Variants in FAT3 observed in about 807,000 individuals in gnomAD.
FAT3 encodes protocadherin Fat 3.
FAT3 carries 95 observed loss-of-function variants against 310.2 expected under a neutral mutation model. The ratio of observed to expected loss-of-function variants is 0.31; its 90% CI spans 0.26 to 0.36. FAT3 has a LOEUF of 0.36. FAT3 is among the 10% of genes least tolerant of loss of function. The pLI, the probability that FAT3 is intolerant of heterozygous loss-of-function variation, is 1.00. For missense variants in FAT3, 5,408 were observed against 5,715.6 expected, an observed-to-expected ratio of 0.95 and a Z score of 1.74; for synonymous variants, 2,314 against 2,192.9, an observed-to-expected ratio of 1.06 and a Z score of -1.54.
intron 3 of FAT3, among the ~76,000 whole-genome samples, chr11:92,544,794 C>A (rs1039451717): frequency 1.3e-5 from 2 of 152,188 alleles, no homozygotes; most frequent in Non-Finnish European, 2.9e-5. Flanking sequence ...CCTCAGGGAG[C>A]TCCTGGTTGA....
intron 1 of FAT3, among the ~76,000 whole-genome samples, chr11:92,339,165 G>C (rs774190316): frequency 2.0e-5 from 3 of 152,074 alleles, no homozygotes; most frequent in Non-Finnish European, 2.9e-5. Flanking sequence ...GACATATTAG[G>C]CATGTAAGTT....
intron 1 of FAT3, among the ~76,000 whole-genome samples, chr11:92,284,006 T>C (rs939795143): frequency 3.9e-5 from 6 of 152,258 alleles, no homozygotes; most frequent in Admixed American, 3.9e-4. Context: ...ATTTATGTGT[T>C]TCTGCAAGTT....
intron 4 of FAT3, among the ~76,000 whole-genome samples, chr11:92,754,131 A>G (rs2136062389): frequency 6.6e-6 from 1 of 152,204 alleles, no homozygotes; most frequent in East Asian, 1.9e-4. Flanking sequence ...TAACATATGG[A>G]AATATAATAC....
At chr11:92,509,022 C>T (rs963561600) in intron 2 of FAT3, among the ~76,000 whole-genome samples, 18 of 152,126 alleles carry the variant, frequency 1.2e-4, no homozygotes, top group African/African-American at 4.3e-4. Flanking sequence ...ATTTTCAGCA[C>T]TATCTTTCTA....
chr11:92,808,114 A>G (rs572888065), intron 12 of FAT3, among the ~76,000 whole-genome samples: 119 of 152,338 alleles, frequency 7.8e-4, no homozygotes, highest in South Asian at 5.0e-3. Flanking sequence ...GGTAACATTT[A>G]TTGAGTAGCC....
chr11:92,359,568 C>G (rs1172494975), intron 2 of FAT3, among the ~76,000 whole-genome samples: 1 of 149,524 alleles, frequency 6.7e-6, no homozygotes, highest in East Asian at 2.0e-4. Flanking sequence ...CATGCTGGTG[C>G]GCTGCACCCA....
chr11:92,356,136 A>G (rs1346553795), intron 2 of FAT3, among the ~76,000 whole-genome samples: 1 of 152,204 alleles, frequency 6.6e-6, no homozygotes, highest in Non-Finnish European at 1.5e-5. Flanking sequence ...AGATACAGAT[A>G]CAGGTTTTTT....
chr11:92,393,261 C>T (rs1949789044), intron 2 of FAT3, among the ~76,000 whole-genome samples: 1 of 152,012 alleles, frequency 6.6e-6, no homozygotes, highest in Admixed American at 6.6e-5. Context: ...TGTGTATGCA[C>T]ACACACTCAT....
Position 92,893,170 on chromosome 11 carries a change from T to TC in FAT3, c.*2059dup, listed in dbSNP as rs1949953959. 6.7e-6 allele frequency: 1 copy of TC among 150,048 alleles called. No individual in the cohort carries two copies. The highest frequency in any genetic ancestry group is 1.5e-5 in the Non-Finnish European group (1 of 67,408). 9.3% of individuals were successfully genotyped at this position (150,048 alleles called of 1,614,324 possible). A position where few individuals can be genotyped will look rare whatever the true frequency, so the allele number is the denominator to read the frequency against. On this transcript the variant is annotated 3_prime_UTR_variant, in exon 28 of 28. Transcript: ENST00000525166. ...CTGAATGTTTATGCAAAAAAAAAAA[T>TC]CCTTTTTCATTCCCAAACTTTCTAA...
intron 1 of FAT3, among the ~76,000 whole-genome samples, chr11:92,265,534 G>A (rs1023394573): frequency 1.3e-5 from 2 of 151,968 alleles, no homozygotes; most frequent in Non-Finnish European, 2.9e-5. Flanking sequence ...GTGTGGGGTT[G>A]GGAGAATCTG....
In FAT3 at chr11:92,379,752, A is replaced by G. The variant is rs1171384237; in HGVS notation, c.3292+24348A>G. The stretch of plus-strand genomic sequence containing the variant: ...TAGGGTGAAAAATCCATCTTTTTAC[A>G]TTTGGGTTTGAACTTTATGTTTGTC... On this transcript the variant is annotated intron_variant, in intron 2 of 27. Coordinates refer to ENST00000525166, the MANE Select transcript of FAT3 (RefSeq NM_001367949.2). Among the ~76,000 whole-genome samples, 4 of 152,192 alleles carry G rather than the reference A, an allele frequency of 2.6e-5. No individual in the cohort carries two copies. In the East Asian group the frequency reaches 7.7e-4, roughly 29 times the overall value.
chr11:92,591,907 C>G (rs1209435821), intron 3 of FAT3, among the ~76,000 whole-genome samples: 2 of 152,122 alleles, frequency 1.3e-5, no homozygotes, highest in Non-Finnish European at 2.9e-5. Flanking sequence ...AGTATTCATT[C>G]TTGAGTTTGA....
chr11:92,634,019 T>C (rs1012918867), intron 3 of FAT3, among the ~76,000 whole-genome samples: 1 of 152,202 alleles, frequency 6.6e-6, no homozygotes, highest in Non-Finnish European at 1.5e-5. Context: ...TGCACATAAC[T>C]TTTCAGTCCT....
chr11:92,546,505 G>T (rs921535904), intron 3 of FAT3, among the ~76,000 whole-genome samples: 1 of 152,140 alleles, frequency 6.6e-6, no homozygotes, highest in Non-Finnish European at 1.5e-5. Flanking sequence ...TAAGAAGGGA[G>T]GTTGAGGCCA....
intron 5 of FAT3, among the ~76,000 whole-genome samples, chr11:92,764,330 T>C (rs987985085): frequency 6.6e-6 from 1 of 152,134 alleles, no homozygotes; most frequent in Non-Finnish European, 1.5e-5. Flanking sequence ...CAGCCCACTC[T>C]ATCTTGCTCC....
rs559403495 is a variant in FAT3 at position 92,734,045 on chromosome 11, T to A, written c.3670-27811T>A. 2.6e-5 allele frequency among the ~76,000 whole-genome samples: 4 copies of A among 152,344 alleles called. No individual in the cohort carries two copies. The South Asian group carries it at 8.3e-4, about 32-fold the overall frequency. On this transcript the variant is annotated intron_variant, in intron 4 of 27. Coordinates refer to ENST00000525166, the MANE Select transcript of FAT3 (RefSeq NM_001367949.2). ...TGGTTCCCCAATAACTCTGTTATGA[T>A]AAATTGGCACCTTTGGAAGTTATAG...
chr11:92,520,582 A>G (rs2135346491), intron 2 of FAT3, among the ~76,000 whole-genome samples: 1 of 152,284 alleles, frequency 6.6e-6, no homozygotes, highest in Non-Finnish European at 1.5e-5. Flanking sequence ...GGTCAATCTT[A>G]AAAGTGAGAT....
At chr11:92,793,032 A>C (rs1016174594) in intron 9 of FAT3, 55 bp downstream of exon 9, 1 of 1,539,626 alleles carries the variant, frequency 6.5e-7, no homozygotes, top group African/African-American at 1.4e-5. Context: ...TTCGACCCTC[A>C]GTAGTATTTA....
chr11:92,472,593 C>G (rs1951936803), intron 2 of FAT3, among the ~76,000 whole-genome samples: 1 of 152,148 alleles, frequency 6.6e-6, no homozygotes, highest in African/African-American at 2.4e-5. Context: ...TTCAAGTCGA[C>G]ACATGTTTTT....
Sources: allele counts gnomAD v4.1 joint callset (sites outside exome capture counted in the v4.1 genomes callset), GRCh38; gene constraint gnomAD v4.1.1; transcripts MANE v1.5; gene names NCBI Gene and HGNC (gene_info 2026-07-23, HGNC 2026-07-21).